Variants in ZFPM2 observed in about 807,000 individuals in gnomAD.
ZFPM2 encodes the protein zinc finger protein ZFPM2.
ZFPM2 carries 20 observed loss-of-function variants against 98.6 expected under a neutral mutation model. The observed-to-expected ratio is 0.20, with a 90% CI of 0.14 to 0.29. The LOEUF is 0.29. Among genes scored for constraint, ZFPM2 ranks in the 10% least tolerant of loss-of-function variants. The pLI, the probability that ZFPM2 is intolerant of heterozygous loss-of-function variation, is 1.00. For missense variants in ZFPM2, 1,310 were observed against 1,388.6 expected (o/e 0.94, Z 0.90); for synonymous variants, 518 against 502.7 (o/e 1.03, Z -0.41).
chr8:105,320,749 A>G (rs1274345619), intron 1 of ZFPM2, among the ~76,000 whole-genome samples: 1 of 152,152 alleles, frequency 6.6e-6, no homozygotes, highest in Admixed American at 6.5e-5. Flanking sequence ...ATTTCCTTCT[A>G]TGTCCACCTC....
intron 1 of ZFPM2, among the ~76,000 whole-genome samples, chr8:105,334,496 C>T (rs1812291100): frequency 6.6e-6 from 1 of 151,554 alleles, no homozygotes; most frequent in Non-Finnish European, 1.5e-5. Context: ...AAATATATTA[C>T]CTTTTAAAGT....
At chr8:105,793,567 G>C (rs1292274751) in intron 6 of ZFPM2, among the ~76,000 whole-genome samples, 4 of 151,992 alleles carry the variant, frequency 2.6e-5, no homozygotes, top group Non-Finnish European at 5.9e-5. Flanking sequence ...ATGTGTCTTG[G>C]AGTTGCTCTT....
chr8:105,781,339 G>A (rs1456814234), intron 5 of ZFPM2, among the ~76,000 whole-genome samples: 1 of 152,186 alleles, frequency 6.6e-6, no homozygotes, highest in African/African-American at 2.4e-5. Context: ...TGAGCTTAAT[G>A]TATGTGAAGT....
intron 5 of ZFPM2, among the ~76,000 whole-genome samples, chr8:105,661,969 C>A (rs1201831053): frequency 6.6e-6 from 1 of 151,282 alleles, no homozygotes; most frequent in Non-Finnish European, 1.5e-5. Context: ...GGTTCTTTCT[C>A]TTTGTAAGAA....
intron 3 of ZFPM2, among the ~76,000 whole-genome samples, chr8:105,560,896 G>A (rs1322885265): frequency 6.6e-6 from 1 of 152,102 alleles, no homozygotes; most frequent in African/African-American, 2.4e-5. Context: ...TATTGTACAT[G>A]TAGCCATTTT....
chr8:105,744,150 C>T (rs907514629), intron 5 of ZFPM2, among the ~76,000 whole-genome samples: 2 of 152,076 alleles, frequency 1.3e-5, no homozygotes, highest in Non-Finnish European at 2.9e-5. Context: ...TCCAACACGG[C>T]TAAAGAGCTT....
At chr8:105,453,438 A>G (rs758715684) in intron 3 of ZFPM2, among the ~76,000 whole-genome samples, 48 of 152,174 alleles carry the variant, frequency 3.2e-4, no homozygotes, top group Non-Finnish European at 6.0e-4. Context: ...GTGAGGACCA[A>G]TCATTTTTAA....
intron 5 of ZFPM2, among the ~76,000 whole-genome samples, chr8:105,741,568 A>C (rs1423560095): frequency 1.3e-5 from 2 of 152,102 alleles, no homozygotes; most frequent in Admixed American, 6.6e-5. Flanking sequence ...GGCAGAGTAG[A>C]TGGACACAGG....
At chr8:105,558,918 T>C (rs1289583164) in intron 3 of ZFPM2, among the ~76,000 whole-genome samples, 1 of 152,158 alleles carries the variant, frequency 6.6e-6, no homozygotes, top group Non-Finnish European at 1.5e-5. Flanking sequence ...TAAGTAAGTA[T>C]GGTTGAAAAA....
chr8:105,383,278 G>A (rs1393818452), intron 1 of ZFPM2, among the ~76,000 whole-genome samples: 1 of 152,070 alleles, frequency 6.6e-6, no homozygotes, highest in Non-Finnish European at 1.5e-5. Context: ...GATAGAGTAA[G>A]CACCTATCCA....
intron 3 of ZFPM2, among the ~76,000 whole-genome samples, chr8:105,470,677 C>T (rs774858088): frequency 6.6e-6 from 1 of 151,936 alleles, no homozygotes; most frequent in Non-Finnish European, 1.5e-5. Context: ...ATTTGGAAGG[C>T]TGAGGCAAGA....
chr8:105,449,619 G>A (rs560684227), intron 3 of ZFPM2, among the ~76,000 whole-genome samples: 1 of 151,886 alleles, frequency 6.6e-6, no homozygotes, highest in Non-Finnish European at 1.5e-5. Flanking sequence ...TTATTTTGGG[G>A]TAATGTCATG....
intron 5 of ZFPM2, among the ~76,000 whole-genome samples, chr8:105,686,391 T>A (rs926316660): frequency 1.6e-4 from 25 of 152,136 alleles, no homozygotes; most frequent in African/African-American, 6.0e-4. Flanking sequence ...AACTTTAGTG[T>A]TGAACCCTAG....
chr8:105,496,426 G>A (rs1473923425), intron 3 of ZFPM2, among the ~76,000 whole-genome samples: 1 of 152,000 alleles, frequency 6.6e-6, no homozygotes, highest in African/African-American at 2.4e-5. Context: ...CTAGTAGACT[G>A]TCTCTAAATT....
At chr8:105,347,831 T>C (rs368278287) in intron 1 of ZFPM2, among the ~76,000 whole-genome samples, 2 of 152,136 alleles carry the variant, frequency 1.3e-5, no homozygotes, top group East Asian at 1.9e-4. Context: ...AGAAACATAT[T>C]ATAGCCGTTG....
At chr8:105,538,304 G>T (rs1169125589) in intron 3 of ZFPM2, among the ~76,000 whole-genome samples, 1 of 152,042 alleles carries the variant, frequency 6.6e-6, no homozygotes, top group Non-Finnish European at 1.5e-5. Context: ...TACCCCTAAG[G>T]TACCTAATAA....
At chr8:105,513,458 A>T (rs773550292) in intron 3 of ZFPM2, among the ~76,000 whole-genome samples, 4 of 152,184 alleles carry the variant, frequency 2.6e-5, no homozygotes, top group African/African-American at 9.6e-5. Flanking sequence ...TTTCTTTCAG[A>T]TCTCATGTAC....
intron 1 of ZFPM2, among the ~76,000 whole-genome samples, chr8:105,331,497 A>G (rs112216247): frequency 2.1e-3 from 326 of 151,860 alleles, no homozygotes; most frequent in Middle Eastern, 0.02. Flanking sequence ...TACTGTGGTT[A>G]GTACCAATGT....
intron 1 of ZFPM2, chr8:105,418,883 G>A (rs1474986599): frequency 3.2e-5 from 18 of 571,110 alleles, no homozygotes; most frequent in Non-Finnish European, 4.5e-5. Flanking sequence ...GGGGCTTGAG[G>A]TTGGGGGTGG....
Sources: gnomAD v4.1 joint callset for allele counts (sites outside exome capture counted in the v4.1 genomes callset) on GRCh38, gnomAD v4.1.1 for gene constraint, MANE v1.5 for transcripts, NCBI Gene and HGNC (gene_info 2026-07-23, HGNC 2026-07-21) for gene names.